Variants in ADGRL3 observed in about 807,000 individuals in gnomAD.
The protein encoded by ADGRL3 is adhesion G protein-coupled receptor L3, also known as calcium-independent alpha-latrotoxin receptor 3.
Under a neutral mutation model 153.5 loss-of-function variants are expected in ADGRL3, and 62 were observed. That is an observed-to-expected ratio of 0.40 (90% confidence interval 0.33 to 0.50). The LOEUF (loss-of-function observed/expected upper bound fraction) is 0.50. ADGRL3 is among the 20% of genes least tolerant of loss of function. The pLI, the probability that ADGRL3 is intolerant of heterozygous loss-of-function variation, is 0.47. For missense variants in ADGRL3, 1,641 were observed against 1,859.4 expected (o/e 0.88, Z 2.16); for synonymous variants, 710 against 672.5 (o/e 1.06, Z -0.86).
intron 2 of ADGRL3, among the ~76,000 whole-genome samples, chr4:61,442,125 A>T (rs1348889355): frequency 1.3e-5 from 2 of 152,198 alleles, no homozygotes; most frequent in East Asian, 1.9e-4. Flanking sequence ...AGCTATTCAT[A>T]AAAAAATCAT....
rs559743440 is a variant in ADGRL3 at position 61,527,508 on chromosome 4, T to G, written c.259+9990T>G. On this transcript the variant is annotated intron_variant, in intron 4 of 26. Coordinates refer to ENST00000683033, the MANE Select transcript of ADGRL3 (RefSeq NM_001387552.1). ...TACACATATGTACATATCCATAAAT[T>G]TATATATAATTGTTGCATATATGCA... 2.0e-5 allele frequency among the ~76,000 whole-genome samples: 3 copies of G among 152,128 alleles called. No individual in the cohort carries two copies. The South Asian group carries it at 6.2e-4, about 32-fold the overall frequency.
rs1300542869 is a variant in ADGRL3, at chr4:61,642,231, G to T, written c.474-34595G>T. Among the ~76,000 whole-genome samples the T allele has an allele frequency of 2.6e-5, 4 of 151,692 alleles. 1 individual carries two copies. In the South Asian group the frequency reaches 6.3e-4, roughly 24 times the overall value. On this transcript the variant is annotated intron_variant, in intron 5 of 26. Transcript: ENST00000683033. ...GGTTGCGAAAATTTTCTCCCATTTT[G>T]TAGGTTGCCTGTTCACTCTGATGGC...
At chr4:61,990,817 G>A (rs977308742) in intron 19 of ADGRL3, among the ~76,000 whole-genome samples, 2 of 151,628 alleles carry the variant, frequency 1.3e-5, no homozygotes, top group Non-Finnish European at 1.5e-5. Flanking sequence ...TTGGAGTCAG[G>A]TAGACTAGAA....
Position 61,892,926 on chromosome 4 carries a change from T to C in ADGRL3, c.1751T>C (p.Ile584Thr), listed in dbSNP as rs2098598912. The C allele has an allele frequency of 1.9e-6, 3 of 1,544,566 alleles. No individual in the cohort carries two copies. Among genetic ancestry groups the C allele is most frequent in the Non-Finnish European group, 1.7e-6 (2 of 1,150,498 alleles). Residue 584 changes from isoleucine (I) to threonine (T), a missense_variant, in exon 10 of 27, where the codon ATA (isoleucine) becomes ACA (threonine). This residue lies in a region of ADGRL3 where 734 missense variants were observed against 797.0 expected (regional missense o/e 0.92). Coordinates refer to ENST00000683033, the MANE Select transcript of ADGRL3 (RefSeq NM_001387552.1). Reference protein sequence around the residue: ...IMWFKTRQGQIAKQPCPAGTI... With the variant: ...IMWFKTRQGQTAKQPCPAGTI... ...TGGTTTAAGACTCGTCAAGGACAGATAGCAAAGCAGCCATGCCCTGCAGGA... is the reference window on the plus strand; with the variant it reads ...TGGTTTAAGACTCGTCAAGGACAGACAGCAAAGCAGCCATGCCCTGCAGGA...
chr4:62,008,363 G>A (rs1443349596), intron 21 of ADGRL3, among the ~76,000 whole-genome samples: 1 of 152,096 alleles, frequency 6.6e-6, no homozygotes, highest in Non-Finnish European at 1.5e-5. Flanking sequence ...GCATCTACAC[G>A]AGTAGGCAAA....
intron 1 of ADGRL3, among the ~76,000 whole-genome samples, chr4:61,345,561 A>G (rs1477745830): frequency 6.6e-6 from 1 of 152,212 alleles, no homozygotes; most frequent in Non-Finnish European, 1.5e-5. Context: ...TGATTATTGC[A>G]TGGGCAAGAA....
chr4:61,827,299 T>A (rs958802161), intron 9 of ADGRL3, among the ~76,000 whole-genome samples: 1 of 152,224 alleles, frequency 6.6e-6, no homozygotes, highest in Non-Finnish European at 1.5e-5. Flanking sequence ...GACTTTTGAC[T>A]GGTGATTGTG....
At chr4:61,530,545 T>C (rs1236049180) in intron 4 of ADGRL3, among the ~76,000 whole-genome samples, 1 of 152,200 alleles carries the variant, frequency 6.6e-6, no homozygotes, top group African/African-American at 2.4e-5. Context: ...TTTTTGCCTT[T>C]TGGAATTTTA....
intron 2 of ADGRL3, among the ~76,000 whole-genome samples, chr4:61,442,315 T>C (rs954996433): frequency 3.3e-5 from 5 of 152,188 alleles, no homozygotes; most frequent in African/African-American, 1.2e-4. Flanking sequence ...TATGGTTTGC[T>C]GGAGGAAGGT....
chr4:61,554,627 G>T (rs1411903501), intron 4 of ADGRL3, among the ~76,000 whole-genome samples: 2 of 152,098 alleles, frequency 1.3e-5, no homozygotes, highest in African/African-American at 4.8e-5. Flanking sequence ...GGATAAAATT[G>T]ATTTGAAAAA....
rs140433631 is a variant in ADGRL3, at chr4:61,231,723, G to A, written c.-240+29958G>A. Among the ~76,000 whole-genome samples, 17 of 152,024 alleles carry A rather than the reference G, an allele frequency of 1.1e-4. No homozygotes were observed. In the East Asian group the frequency reaches 2.1e-3, roughly 19 times the overall value. On this transcript the variant is annotated intron_variant, in intron 1 of 26. Coordinates refer to ENST00000683033, the MANE Select transcript of ADGRL3 (RefSeq NM_001387552.1). ...TTTATTTCCCATAAATAAATAAGAC[G>A]TCGAGGGGTGGTATCAATGTTCTTC...
chr4:61,725,669 A>G (rs542760974), intron 6 of ADGRL3, among the ~76,000 whole-genome samples: 1 of 152,208 alleles, frequency 6.6e-6, no homozygotes, highest in South Asian at 2.1e-4. Flanking sequence ...TCAGTACTTA[A>G]TGAATGAATA....
chr4:61,916,616 C>A (rs2098746259), intron 13 of ADGRL3, among the ~76,000 whole-genome samples: 1 of 152,184 alleles, frequency 6.6e-6, no homozygotes, highest in Admixed American at 6.5e-5. Context: ...TTGCTTCTCT[C>A]CTGACATGTG....
chr4:61,256,575 C>T (rs2091990374), intron 1 of ADGRL3, among the ~76,000 whole-genome samples: 1 of 152,000 alleles, frequency 6.6e-6, no homozygotes, highest in Non-Finnish European at 1.5e-5. Context: ...AGATTAGCAT[C>T]TGTTGTTTGT....
intron 6 of ADGRL3, among the ~76,000 whole-genome samples, chr4:61,706,425 CAAAAAAA>C (rs56955396): frequency 7.7e-6 from 1 of 130,050 alleles, no homozygotes; most frequent in Non-Finnish European, 1.7e-5. Flanking sequence ...GACTCCCTCT[CAAAAAAA>C]AAAAAAAAAG....
intron 9 of ADGRL3, among the ~76,000 whole-genome samples, chr4:61,876,151 A>T (rs1462737119): frequency 6.6e-6 from 1 of 152,138 alleles, no homozygotes; most frequent in Admixed American, 6.6e-5. Context: ...CACTGCTTGC[A>T]TATCTCATAT....
chr4:61,344,433 A>G (rs73825123), intron 1 of ADGRL3, among the ~76,000 whole-genome samples: 204 of 152,356 alleles, frequency 1.3e-3, no homozygotes, highest in African/African-American at 4.9e-3. Context: ...GTCAGAGACT[A>G]ATTGTAATTC....
Position 61,948,253 on chromosome 4 carries a change from C to G in ADGRL3, c.2782C>G (p.Leu928Val). 6.2e-7 allele frequency: 1 copy of G among 1,613,688 alleles called. No individual in the cohort carries two copies. The highest frequency in any genetic ancestry group is 8.5e-7 in the Non-Finnish European group (1 of 1,179,746). Residue 928 changes from leucine (L) to valine (V), a missense_variant, in exon 17 of 27, where the codon CTG (leucine) becomes GTG (valine). Leu to Val is a conservative substitution (Grantham distance 32). Coordinates refer to ENST00000683033, the MANE Select transcript of ADGRL3 (RefSeq NM_001387552.1). The part of the protein sequence containing the change: ...SCNHLTNFAV[L>V]MAHVEVKHSD... ...TAACCACCTAACAAATTTTGCAGTA[C>G]TGATGGCACATGTGGAAGTTAAGGT...
At chr4:61,823,426 G>A (rs879434314) in intron 9 of ADGRL3, among the ~76,000 whole-genome samples, 6 of 152,076 alleles carry the variant, frequency 3.9e-5, no homozygotes, top group Middle Eastern at 3.4e-3. Flanking sequence ...ATTCCTTCCC[G>A]AAGAGAGCTA....
Sources: gnomAD v4.1 joint callset for allele counts (sites outside exome capture counted in the v4.1 genomes callset) on GRCh38, gnomAD v4.1.1 for gene constraint, gnomAD v4.1.1 regional missense constraint, MANE v1.5 for transcripts, NCBI Gene and HGNC (gene_info 2026-07-23, HGNC 2026-07-21) for gene names.